Variants in CPA6 observed in about 807,000 individuals in gnomAD.
The protein encoded by CPA6 is carboxypeptidase A6.
A neutral mutation model predicts 63.3 loss-of-function variants in CPA6; 58 were observed. The ratio of observed to expected loss-of-function variants is 0.92; its 90% CI spans 0.74 to 1.14. CPA6 has a LOEUF of 1.14. Among genes scored for constraint, CPA6 ranks in the 50% most tolerant of loss-of-function variants. CPA6 has a pLI of 0.00. For synonymous variants in CPA6, 185 were observed against 179.0 expected (o/e 1.03, Z -0.27); for missense variants, 565 against 526.6 (o/e 1.07, Z -0.71).
chr8:67,605,165 C>G (rs1373987830), intron 2 of CPA6, among the ~76,000 whole-genome samples: 5 of 151,500 alleles, frequency 3.3e-5, no homozygotes, highest in Non-Finnish European at 7.4e-5. Context: ...AGTTTCTACT[C>G]ATGGTTGTGT....
chr8:67,576,078 A>G (rs1449100669), intron 2 of CPA6, among the ~76,000 whole-genome samples: 2 of 152,198 alleles, frequency 1.3e-5, no homozygotes, highest in Non-Finnish European at 2.9e-5. Flanking sequence ...TCAGTTGCAT[A>G]GTAGGAATAA....
intron 2 of CPA6, among the ~76,000 whole-genome samples, chr8:67,541,940 T>C (rs1233236979): frequency 6.6e-6 from 1 of 152,254 alleles, no homozygotes; most frequent in Non-Finnish European, 1.5e-5. Flanking sequence ...GCTGTTCCTA[T>C]TTGGGCATCT....
At chr8:67,541,305 C>T (rs1439550597) in intron 2 of CPA6, among the ~76,000 whole-genome samples, 1 of 152,114 alleles carries the variant, frequency 6.6e-6, no homozygotes, top group Non-Finnish European at 1.5e-5. Flanking sequence ...CTCATATTGT[C>T]TTATGCCTAA....
chr8:67,698,918 G>A (rs1056008851), intron 1 of CPA6, among the ~76,000 whole-genome samples: 1 of 152,156 alleles, frequency 6.6e-6, no homozygotes, highest in Non-Finnish European at 1.5e-5. Context: ...TTCAAATAAG[G>A]TTCCAGAGGA....
intron 2 of CPA6, among the ~76,000 whole-genome samples, chr8:67,565,187 T>A (rs1813308799): frequency 6.6e-6 from 1 of 151,996 alleles, no homozygotes; most frequent in African/African-American, 2.4e-5. Flanking sequence ...TTTTTTGTTG[T>A]TGTTTTTTAG....
intron 2 of CPA6, among the ~76,000 whole-genome samples, chr8:67,534,877 C>T (rs1812552772): frequency 6.6e-6 from 1 of 151,586 alleles, no homozygotes; most frequent in African/African-American, 2.4e-5. Context: ...TGCCCCCCAC[C>T]CCCCGACAGG....
chr8:67,588,319 T>C (rs146267605), intron 2 of CPA6, among the ~76,000 whole-genome samples: 8 of 152,314 alleles, frequency 5.3e-5, no homozygotes, highest in African/African-American at 1.9e-4. Context: ...TTGGAAATAG[T>C]ATGGTGGGAA....
At chr8:67,496,747 A>G (rs1391924002) in intron 6 of CPA6, among the ~76,000 whole-genome samples, 2 of 151,264 alleles carry the variant, frequency 1.3e-5, no homozygotes, top group African/African-American at 4.9e-5. Flanking sequence ...TTTTAGTAGA[A>G]ATGGGGTTTC....
At chr8:67,473,414 A>G (rs1296747135) in intron 8 of CPA6, among the ~76,000 whole-genome samples, 1 of 152,222 alleles carries the variant, frequency 6.6e-6, no homozygotes, top group African/African-American at 2.4e-5. Flanking sequence ...ATGAAAAGGT[A>G]AGATAGTAGC....
At chr8:67,708,794 A>AT (rs2128999972) in intron 1 of CPA6, among the ~76,000 whole-genome samples, 1 of 152,304 alleles carries the variant, frequency 6.6e-6, no homozygotes, top group African/African-American at 2.4e-5. Flanking sequence ...TTCCCAAAGA[A>AT]TTGGGTCTTG....
At chr8:67,425,626 G>A (rs1445403291) in intron 10 of CPA6, among the ~76,000 whole-genome samples, 5 of 152,110 alleles carry the variant, frequency 3.3e-5, no homozygotes, top group Admixed American at 1.3e-4. Flanking sequence ...CACCCACCTC[G>A]GCCTTCCAAA....
intron 2 of CPA6, among the ~76,000 whole-genome samples, chr8:67,544,725 T>A (rs1812776665): frequency 6.6e-6 from 1 of 152,216 alleles, no homozygotes. Context: ...GGATTGCAGA[T>A]GTAATTCGCT....
chr8:67,445,670 ATGT>A (rs1320802457), intron 8 of CPA6, among the ~76,000 whole-genome samples: 1 of 152,206 alleles, frequency 6.6e-6, no homozygotes, highest in African/African-American at 2.4e-5. Context: ...TAGTGTCTAC[ATGT>A]TGTTTTTCTT....
chr8:67,642,093 G>A (rs1327330607), intron 1 of CPA6, among the ~76,000 whole-genome samples: 5 of 152,080 alleles, frequency 3.3e-5, no homozygotes, highest in South Asian at 2.1e-4. Context: ...AGGCCGAGGC[G>A]GGCAGATCAC....
chr8:67,640,011 A>G (rs1033508081), intron 1 of CPA6, among the ~76,000 whole-genome samples: 2 of 151,172 alleles, frequency 1.3e-5, no homozygotes, highest in Non-Finnish European at 2.9e-5. Context: ...TGGGGTGGGT[A>G]GCTTCTCTCT....
intron 1 of CPA6, among the ~76,000 whole-genome samples, chr8:67,637,110 G>A (rs1331885201): frequency 6.6e-6 from 1 of 151,594 alleles, no homozygotes; most frequent in Non-Finnish European, 1.5e-5. Context: ...CTTTATTTTT[G>A]GTGGTGGTTG....
chr8:67,547,971 C>T (rs964693920), intron 2 of CPA6, among the ~76,000 whole-genome samples: 2 of 152,120 alleles, frequency 1.3e-5, no homozygotes, highest in Non-Finnish European at 2.9e-5. Context: ...TCATTCTATT[C>T]CTTGTATTAT....
intron 2 of CPA6, among the ~76,000 whole-genome samples, chr8:67,593,007 C>G (rs1259014090): frequency 6.7e-6 from 1 of 150,162 alleles, no homozygotes; most frequent in African/African-American, 2.5e-5. Context: ...TTCCTGCTTT[C>G]TCTTGTGGGC....
intron 1 of CPA6, among the ~76,000 whole-genome samples, chr8:67,730,745 T>C (rs1563411894): frequency 6.6e-6 from 1 of 152,222 alleles, no homozygotes; most frequent in Non-Finnish European, 1.5e-5. Context: ...CAAATATATA[T>C]GTTTCTACTA....
Sources: gnomAD v4.1 joint callset for allele counts (sites outside exome capture counted in the v4.1 genomes callset) on GRCh38, gnomAD v4.1.1 for gene constraint, MANE v1.5 for transcripts, NCBI Gene and HGNC (gene_info 2026-07-23, HGNC 2026-07-21) for gene names.